The following SPG7 variants were observed in gnomAD, a reference collection of about 807,000 sequenced individuals.
SPG7 encodes mitochondrial inner membrane m-AAA protease component paraplegin.
SPG7 carries 103 observed loss-of-function variants against 81.9 expected under a neutral mutation model. That is an observed-to-expected ratio of 1.26 (90% CI 1.07 to 1.48). The LOEUF (loss-of-function observed/expected upper bound fraction) is 1.48, where lower values mean the gene tolerates loss of function less well. Among genes scored for constraint, SPG7 ranks in the 40% most tolerant of loss-of-function variants. The probability of loss-of-function intolerance (pLI) is 0.00; values close to 1 mark genes in which losing one functional copy is unlikely to be tolerated. For synonymous variants in SPG7, 534 were observed against 444.2 expected, an observed-to-expected ratio of 1.20 and a Z score of -2.54; for missense variants, 1,241 against 1,087.3, an observed-to-expected ratio of 1.14 and a Z score of -1.99.
rs1597660472 is a variant in SPG7, at chr16:89,549,673, G to A, written c.1664-821G>A. 3 of 172,776 alleles carry A rather than the reference G, an allele frequency of 1.7e-5. No homozygotes were observed. In the East Asian group the frequency reaches 4.9e-4, roughly 28 times the overall value. 10.7% of individuals were successfully genotyped at this position (172,776 alleles called of 1,614,324 possible). A position where few individuals can be genotyped will look rare whatever the true frequency, so the allele number is the denominator to read the frequency against. On this transcript the variant is annotated intron_variant, in intron 12 of 16. Coordinates refer to ENST00000645818, the MANE Select transcript of SPG7 (RefSeq NM_003119.4). Reference sequence around the variant, plus strand: ...ACAGAGTGAGACCCTGTCACTGACAGAAAAAAAGCCTTGTCCCTGAGGCAA... The same window carrying A: ...ACAGAGTGAGACCCTGTCACTGACAAAAAAAAAGCCTTGTCCCTGAGGCAA...
chr16:89,535,502 G>A (rs575880107), intron 9 of SPG7, among the ~76,000 whole-genome samples: 16 of 152,312 alleles, frequency 1.1e-4, no homozygotes, highest in Admixed American at 3.3e-4. Context: ...CTCTCAACAC[G>A]CTTATTCAGG....
chr16:89,510,516 T>G lies in SPG7; in HGVS notation c.210T>G (p.Pro70=). The G allele has an allele frequency of 6.6e-7, 1 of 1,519,200 alleles. No homozygotes were observed. The highest frequency in any genetic ancestry group is 9.1e-7 in the Non-Finnish European group (1 of 1,100,906). 94.1% of individuals were successfully genotyped at this position (1,519,200 alleles called of 1,614,324 possible). ...LQSLQLRLLT[P]TFEGINGLLL... ...GCTTACAATTGAGACTGCTAACCCC[T>G]ACCTTTGAAGGGATCAACGGATTGT... The change falls in exon 2 of 17, where the codon CCT becomes CCG. Residue 70 remains proline (P), a synonymous_variant. Coordinates refer to ENST00000645818, the MANE Select transcript of SPG7 (RefSeq NM_003119.4).
chr16:89,529,410 A>G (rs1002354451), intron 5 of SPG7, 67 bp from the exon 6 acceptor site: 38 of 1,038,126 alleles, frequency 3.7e-5, no homozygotes, highest in Non-Finnish European at 4.6e-5. Context: ...AGTGGTTCTG[A>G]TTTGGAAGCC....
intron 16 of SPG7, chr16:89,555,542 T>C (rs2058678781): frequency 4.6e-6 from 1 of 216,270 alleles, no homozygotes; most frequent in African/African-American, 2.3e-5. Context: ...GTGCTGAGTC[T>C]CCCCAGTGTC....
At chr16:89,526,620 T>G in intron 5 of SPG7, 152 bp downstream of exon 5, 115 of 707,520 alleles carry the variant, frequency 1.6e-4, no homozygotes, top group Middle Eastern at 5.3e-4. Context: ...AAGTGAATGA[T>G]ACAATGCCAG....
Position 89,556,949 on chromosome 16 carries a change from C to G in SPG7, c.2244C>G (p.Gly748=). The part of the protein sequence containing the change: ...INYEDIEALI[G]PPPHGPKKMI... ...ATGAGGACATTGAGGCTCTCATTGG[C>G]CCGCCGCCCCATGGGCCGAAGAAAA... The change falls in exon 17 of 17, where the codon GGC becomes GGG. Residue 748 remains glycine, a synonymous_variant. Coordinates refer to ENST00000645818, the MANE Select transcript of SPG7 (RefSeq NM_003119.4). 2 of 1,614,066 alleles carry G rather than the reference C, an allele frequency of 1.2e-6. No homozygotes were observed. Among genetic ancestry groups the G allele is most frequent in the Non-Finnish European group, 8.5e-7 (1 of 1,179,966 alleles).
intron 9 of SPG7, 48 bp from the exon 10 acceptor site, chr16:89,544,600 G>C: frequency 6.2e-7 from 1 of 1,611,532 alleles, no homozygotes; most frequent in Non-Finnish European, 8.5e-7. Flanking sequence ...GAAATCTGTT[G>C]TGTCAGGACC....
rs11076605 is a variant in SPG7 at position 89,512,715 on chromosome 16, G to A, written c.287-233G>A. 0.44 allele frequency among the ~76,000 whole-genome samples: 66,243 copies of A among 152,122 alleles called. 14,927 individuals carry two copies. The highest frequency in any genetic ancestry group is 0.67 in the East Asian group (3,476 of 5,186). ...TTATTCCCTCACATTAGCAATTTAA[G>A]TAGCAAAGATATTTAACGTAAGTTA... On this transcript the variant is annotated intron_variant, in intron 2 of 16. Transcript: ENST00000645818.
At chr16:89,509,786 CTT>C (rs34140158) in intron 1 of SPG7, among the ~76,000 whole-genome samples, 3,985 of 95,138 alleles carry the variant, frequency 0.042, 39 homozygotes, top group Middle Eastern at 0.064. Context: ...TTGTTTTCTT[CTT>C]TTTTTTTTTT....
At chr16:89,551,002 G>A (rs566623046) in intron 13 of SPG7, among the ~76,000 whole-genome samples, 4 of 152,366 alleles carry the variant, frequency 2.6e-5, no homozygotes, top group South Asian at 2.1e-4. Flanking sequence ...GCTGGGCATG[G>A]TGGATCACCT....
intron 1 of SPG7, chr16:89,508,943 G>C (rs1567892188): frequency 1.9e-6 from 1 of 518,714 alleles, no homozygotes; most frequent in Non-Finnish European, 3.7e-6. Flanking sequence ...TACAGTCCAC[G>C]CCTGTGGATC....
Position 89,557,385 on chromosome 16 carries a change from C to T in SPG7, c.*292C>T. 4.5e-6 allele frequency: 2 copies of T among 446,940 alleles called. No individual in the cohort carries two copies. The highest frequency in any genetic ancestry group is 8.2e-6 in the Non-Finnish European group (2 of 242,430). 27.7% of individuals were successfully genotyped at this position (446,940 alleles called of 1,614,324 possible). On this transcript the variant is annotated 3_prime_UTR_variant, in exon 17 of 17. Transcript: ENST00000645818. Reference sequence around the variant, plus strand: ...GTTCCCAGGGTTATAGACAGTCGTTCCCAGTGTGGCTGAGGCCACCCAGAG... The same window carrying T: ...GTTCCCAGGGTTATAGACAGTCGTTTCCAGTGTGGCTGAGGCCACCCAGAG...
intron 2 of SPG7, 29 bp downstream of exon 2, chr16:89,510,621 G>A (rs373964931): frequency 1.5e-6 from 2 of 1,341,812 alleles, no homozygotes; most frequent in African/African-American, 2.9e-5. Flanking sequence ...AAGCAGCTGA[G>A]CATGACTGCA....
At chr16:89,515,285 T>C (rs1358665129) in intron 3 of SPG7, among the ~76,000 whole-genome samples, 1 of 151,040 alleles carries the variant, frequency 6.6e-6, no homozygotes, top group African/African-American at 2.4e-5. Context: ...TTATTTATTT[T>C]TGAAACGGAG....
chr16:89,526,256 GCT>G, intron 4 of SPG7, 71 bp from the exon 5 acceptor site: 2 of 1,570,304 alleles, frequency 1.3e-6, no homozygotes, highest in Non-Finnish European at 1.8e-6. Context: ...TTCCAGGCGG[GCT>G]CTCTGTTGAC....
chr16:89,544,869 A>G (rs2058543444), intron 10 of SPG7, 97 bp downstream of exon 10: 2 of 1,433,858 alleles, frequency 1.4e-6, no homozygotes, highest in Admixed American at 3.4e-5. Context: ...CTTGGTGTGA[A>G]GCCTGTCACA....
At chr16:89,515,989 G>A (rs933293338) in intron 3 of SPG7, among the ~76,000 whole-genome samples, 3 of 151,920 alleles carry the variant, frequency 2.0e-5, no homozygotes, top group African/African-American at 4.8e-5. Flanking sequence ...GATTACAGGT[G>A]TGAGCCACCG....
At position 89,537,410 on chromosome 16, in the gene SPG7, G is replaced by A. The variant is rs962736201; in HGVS notation, c.1324+4774G>A. ...GGCGCTGACCACACGCGGGAGCTGCGGAAGCCCAGCGGTTCACACAGGCCT... is the reference window on the plus strand; with the variant it reads ...GGCGCTGACCACACGCGGGAGCTGCAGAAGCCCAGCGGTTCACACAGGCCT... On this transcript the variant is annotated intron_variant, in intron 9 of 16. Coordinates refer to ENST00000645818, the MANE Select transcript of SPG7 (RefSeq NM_003119.4). 7.6e-6 allele frequency: 8 copies of A among 1,054,236 alleles called. No individual in the cohort carries two copies. In the Admixed American group the frequency reaches 2.0e-4, roughly 26 times the overall value. The allele number at this position is 1,054,236 out of a possible 1,614,324, so 65.3% of individuals were successfully genotyped here.
chr16:89,540,683 G>A (rs551284549), intron 9 of SPG7: 144 of 160,266 alleles, frequency 9.0e-4, no homozygotes, highest in African/African-American at 3.2e-3. Flanking sequence ...GGGGTGTGAC[G>A]TGGTGCAGCC....
Sources: gnomAD v4.1 joint callset for allele counts (sites outside exome capture counted in the v4.1 genomes callset) on GRCh38, gnomAD v4.1.1 for gene constraint, MANE v1.5 for transcripts, NCBI Gene and HGNC (gene_info 2026-07-23, HGNC 2026-07-21) for gene names.